MX2: variants seen among roughly 807,000 people sequenced by gnomAD.
MX2 encodes the protein MX dynamin like GTPase 2.
Under a neutral mutation model 74.0 loss-of-function variants are expected in MX2, and 51 were observed. That is an observed-to-expected ratio of 0.69 (90% CI 0.55 to 0.87). The LOEUF is 0.87. Ranked by LOEUF, MX2 falls within the 40% of genes least tolerant of loss-of-function variation. The probability of loss-of-function intolerance (pLI) is 0.00; values close to 1 mark genes in which losing one functional copy is unlikely to be tolerated. For synonymous variants in MX2, 369 were observed against 339.3 expected (o/e 1.09, Z -0.96); for missense variants, 832 against 908.7 (o/e 0.92, Z 1.09).
chr21:41,391,477 C>A (rs148261030), intron 6 of MX2, among the ~76,000 whole-genome samples: 1 of 151,440 alleles, frequency 6.6e-6, no homozygotes, highest in Admixed American at 6.6e-5. Context: ...ACCTCTGCCT[C>A]CTGGATTCAA....
chr21:41,379,981 A>G, intron 3 of MX2, 36 bp from the exon 4 acceptor site: 1 of 1,610,536 alleles, frequency 6.2e-7, no homozygotes, highest in Non-Finnish European at 8.5e-7. Flanking sequence ...CTTCTTTAAA[A>G]GGAAACTGAG....
chr21:41,383,051 C>T (rs1391418323), intron 5 of MX2, among the ~76,000 whole-genome samples: 1 of 152,182 alleles, frequency 6.6e-6, no homozygotes, highest in Non-Finnish European at 1.5e-5. Context: ...GGCTTCTCTG[C>T]CAACAACCTA....
At chr21:41,398,113 C>A (rs999119299) in intron 8 of MX2, among the ~76,000 whole-genome samples, 6 of 151,966 alleles carry the variant, frequency 3.9e-5, no homozygotes, top group Non-Finnish European at 8.8e-5. Flanking sequence ...AATTCGAGAC[C>A]AGCCTGACCA....
At position 41,407,999 on chromosome 21, in the gene MX2, C is replaced by A; in HGVS notation, c.1914C>A (p.Ser638Arg). Residue 638 changes from serine to arginine, a missense_variant, in exon 14 of 14, where the codon AGC (serine) becomes AGA (arginine). Coordinates refer to ENST00000330714, the MANE Select transcript of MX2 (RefSeq NM_002463.2). The part of the protein sequence containing the change: ...IHLNAYFLET[S>R]KRLANQIPFI... The stretch of plus-strand genomic sequence containing the variant: ...CTTTCTCCCTCTTCCAGGAAACCAG[C>A]AAACGTCTCGCCAACCAGATCCCAT... 1 of 1,614,186 alleles carries A rather than the reference C, an allele frequency of 6.2e-7. No homozygotes were observed. Among genetic ancestry groups the A allele is most frequent in the East Asian group, 2.2e-5 (1 of 44,888 alleles).
At chr21:41,398,108 G>A (rs1408595600) in intron 8 of MX2, among the ~76,000 whole-genome samples, 1 of 152,062 alleles carries the variant, frequency 6.6e-6, no homozygotes, top group Admixed American at 6.5e-5. Context: ...TCAAGAATTC[G>A]AGACCAGCCT....
chr21:41,390,314 A>G (rs1601416993), intron 5 of MX2: 1 of 455,790 alleles, frequency 2.2e-6, no homozygotes, highest in East Asian at 3.8e-5. Flanking sequence ...ACTTGGTTGC[A>G]GGAATCAGGG....
chr21:41,371,422 T>C (rs1188103009), intron 1 of MX2, among the ~76,000 whole-genome samples: 1 of 152,046 alleles, frequency 6.6e-6, no homozygotes, highest in East Asian at 1.9e-4. Context: ...TCCAAAGAGG[T>C]CTGAAAAGTT....
rs2089349171 is a variant in MX2, at chr21:41,373,304, G to T, written c.-71-3532G>T. 2.0e-5 allele frequency among the ~76,000 whole-genome samples: 3 copies of T among 152,272 alleles called. No homozygotes were observed. The South Asian group carries it at 6.2e-4, about 32-fold the overall frequency. On this transcript the variant is annotated intron_variant, in intron 1 of 13. Transcript: ENST00000330714. ...CCATGGAGCTGAGGCAGATAAATTG[G>T]GTGTGGCAAGGGGGGTGTCTGCCAG...
At chr21:41,362,224 A>T (rs1377085736) in intron 1 of MX2, among the ~76,000 whole-genome samples, 169 bp downstream of exon 1, 1 of 152,076 alleles carries the variant, frequency 6.6e-6, no homozygotes, top group South Asian at 2.1e-4. Flanking sequence ...GAAAGGGCCC[A>T]TGTTGCCACC....
intron 3 of MX2, 95 bp downstream of exon 3, chr21:41,378,076 G>A: frequency 1.4e-6 from 2 of 1,420,464 alleles, no homozygotes; most frequent in South Asian, 2.7e-5. Context: ...GAGACAGGCT[G>A]CTGGGTGAGA....
At chr21:41,393,294 C>T (rs960206211) in intron 6 of MX2, among the ~76,000 whole-genome samples, 6 of 152,086 alleles carry the variant, frequency 3.9e-5, no homozygotes, top group Non-Finnish European at 7.4e-5. Context: ...AAGCTGGTTC[C>T]CCACCTGTCC....
At chr21:41,362,251 G>A (rs1330963877) in intron 1 of MX2, among the ~76,000 whole-genome samples, 196 bp downstream of exon 1, 1 of 152,156 alleles carries the variant, frequency 6.6e-6, no homozygotes, top group East Asian at 1.9e-4. Context: ...CAGTAGCCTT[G>A]TGCACAGACA....
intron 5 of MX2, among the ~76,000 whole-genome samples, chr21:41,386,219 C>CAAAAAAAAAAA (rs59005802): frequency 2.2e-4 from 7 of 32,020 alleles, no homozygotes; most frequent in South Asian, 1.4e-3. Flanking sequence ...TACTCCATCT[C>CAAAAAAAAAAA]AAAAAAAAAA....
intron 1 of MX2, chr21:41,373,852 T>C (rs1021682313): frequency 7.4e-6 from 1 of 135,106 alleles, no homozygotes; most frequent in East Asian, 2.4e-4. Flanking sequence ...GCAGGTGTCC[T>C]CCCAGCCGGG....
In MX2 at chr21:41,377,034, T is replaced by C. The variant is rs1182477665; in HGVS notation, c.128T>C (p.Met43Thr). The C allele has an allele frequency of 6.2e-7, 1 of 1,614,196 alleles. No individual in the cohort carries two copies. Among genetic ancestry groups the C allele is most frequent in the Admixed American group, 1.7e-5 (1 of 60,026 alleles). Residue 43 changes from methionine (M) to threonine (T), a missense_variant, in exon 2 of 14, where the codon ATG becomes ACG. By Grantham distance (81) the Met-to-Thr change is moderately conservative. Coordinates refer to ENST00000330714, the MANE Select transcript of MX2 (RefSeq NM_002463.2). Reference sequence around the variant, plus strand: ...CCATTCGGCACAGTGCCACCACAAATGATGTTTCCTCCAAACTGGCAGGGG... The same window carrying C: ...CCATTCGGCACAGTGCCACCACAAACGATGTTTCCTCCAAACTGGCAGGGG... ...PPPFGTVPPQ[M>T]MFPPNWQGAE...
At chr21:41,407,022 C>G in intron 13 of MX2, 24 bp downstream of exon 13, 1 of 1,602,040 alleles carries the variant, frequency 6.2e-7, no homozygotes, top group Non-Finnish European at 8.5e-7. Context: ...GGGGCAGGAG[C>G]CGTGCTCTCT....
At position 41,405,773 on chromosome 21, in the gene MX2, C is replaced by T. The variant is rs183336101; in HGVS notation, c.1651-971C>T. Among the ~76,000 whole-genome samples, 899 of 148,086 alleles carry T rather than the reference C, an allele frequency of 6.1e-3. 8 individuals are homozygous for T. The highest frequency in any genetic ancestry group is 0.021 in the African/African-American group (850 of 40,168). ...AGGCTGAAGTGCAATGGCGCCATCT[C>T]GGCTCACTGCAACATCTGCCTCCTA... On this transcript the variant is annotated intron_variant, in intron 12 of 13. Transcript: ENST00000330714.
intron 2 of MX2, among the ~76,000 whole-genome samples, chr21:41,377,362 G>A (rs2089420210): frequency 1.3e-5 from 2 of 152,184 alleles, no homozygotes; most frequent in African/African-American, 4.8e-5. Context: ...GTGGGTCTGG[G>A]GCTTCTGTGT....
At position 41,377,202 on chromosome 21, in the gene MX2, G is replaced by A. The variant is rs774620021; in HGVS notation, c.249+47G>A. ...TCAGAAAGGGTGCATTCTGGCTGCC[G>A]GTGCAGAGGGCTGTCATGTAAGCCC... On this transcript the variant is annotated intron_variant, in intron 2 of 13. Transcript: ENST00000330714. 2.6e-5 allele frequency: 42 copies of A among 1,604,340 alleles called. 1 individual carries two copies. The highest frequency in any genetic ancestry group is 1.2e-4 in the South Asian group (11 of 90,182).
Sources: allele counts gnomAD v4.1 joint callset (sites outside exome capture counted in the v4.1 genomes callset), GRCh38; gene constraint gnomAD v4.1.1; transcripts MANE v1.5; gene names NCBI Gene and HGNC (gene_info 2026-07-23, HGNC 2026-07-21).